The following SPMAP1 variants were observed in gnomAD, a reference collection of about 807,000 sequenced individuals.
SPMAP1 encodes the protein uncharacterized protein C17orf98.
chr17:38,840,315 G>T, the SPMAP1 span, among the ~76,000 whole-genome samples: 1 of 152,094 alleles, frequency 6.6e-6, no homozygotes, highest in Non-Finnish European at 1.5e-5. Context: ...GAGAATTTGC[G>T]GTGTGAGGTC....
At chr17:38,840,410 G>T in the SPMAP1 span, among the ~76,000 whole-genome samples, 1 of 152,062 alleles carries the variant, frequency 6.6e-6, no homozygotes, top group South Asian at 2.1e-4. Flanking sequence ...CTATCCCCTT[G>T]CCTTGCAGAA....
At chr17:38,836,875 G>A in the SPMAP1 span, among the ~76,000 whole-genome samples, 4 of 151,686 alleles carry the variant, frequency 2.6e-5, no homozygotes, top group African/African-American at 7.3e-5. Context: ...GATTACAGGC[G>A]TGAGCCACTG....
chr17:38,835,261 G>A, the SPMAP1 span: 3 of 1,614,188 alleles, frequency 1.9e-6, no homozygotes, highest in South Asian at 3.3e-5. Flanking sequence ...TGTTCCTGCG[G>A]TAGCCAAACC....
chr17:38,838,417 T>C, the SPMAP1 span, among the ~76,000 whole-genome samples: 5 of 151,834 alleles, frequency 3.3e-5, no homozygotes, highest in African/African-American at 1.2e-4. Context: ...CTGGCCAACA[T>C]GGCTAAACCC....
the SPMAP1 span, chr17:38,835,132 C>A: frequency 6.4e-7 from 1 of 1,551,006 alleles, no homozygotes; most frequent in Non-Finnish European, 8.9e-7. Flanking sequence ...ACTAAGAGTT[C>A]ATCTAAACAT....
the SPMAP1 span, among the ~76,000 whole-genome samples, chr17:38,838,441 A>C: frequency 6.6e-6 from 1 of 151,882 alleles, no homozygotes; most frequent in African/African-American, 2.4e-5. Flanking sequence ...GTCTACTAAA[A>C]ATACAAAAAT....
chr17:38,841,277 G>T, the SPMAP1 span: 2 of 1,614,170 alleles, frequency 1.2e-6, no homozygotes, highest in Non-Finnish European at 1.7e-6. Flanking sequence ...CGGAATCGCC[G>T]ACCACAGCTT....
chr17:38,835,731 G>A, the SPMAP1 span, among the ~76,000 whole-genome samples: 2 of 152,180 alleles, frequency 1.3e-5, no homozygotes, highest in African/African-American at 4.8e-5. Context: ...TGAGCCAAAT[G>A]GCACAAAGTA....
the SPMAP1 span, among the ~76,000 whole-genome samples, chr17:38,840,914 GAGAA>G: frequency 6.6e-6 from 1 of 151,744 alleles, no homozygotes; most frequent in East Asian, 1.9e-4. Context: ...GCTGAGGCAG[GAGAA>G]TCGCTTGAAC....
the SPMAP1 span, chr17:38,835,313 T>C: frequency 8.1e-6 from 13 of 1,614,022 alleles, no homozygotes; most frequent in African/African-American, 1.3e-5. Context: ...AGCATTGTAG[T>C]GGTCATGCCC....
chr17:38,838,858 G>A, the SPMAP1 span, among the ~76,000 whole-genome samples: 4 of 152,124 alleles, frequency 2.6e-5, no homozygotes, highest in Middle Eastern at 3.4e-3. Flanking sequence ...GCTGAGGCAG[G>A]TGGATCACTT....
the SPMAP1 span, among the ~76,000 whole-genome samples, chr17:38,839,899 G>T: frequency 0.01 from 204 of 19,524 alleles, 1 homozygote; most frequent in Non-Finnish European, 0.015. Flanking sequence ...AAACATTTGG[G>T]ACTATACACA....
the SPMAP1 span, among the ~76,000 whole-genome samples, chr17:38,838,536 G>A: frequency 3.3e-5 from 5 of 152,102 alleles, no homozygotes; most frequent in Non-Finnish European, 5.9e-5. Flanking sequence ...GGAGACAGAG[G>A]TTGAAGTGAG....
chr17:38,835,238 C>T, the SPMAP1 span: 3 of 1,614,184 alleles, frequency 1.9e-6, no homozygotes, highest in African/African-American at 1.3e-5. Context: ...CGTGCTCTGA[C>T]GGAGGGCTGG....
At chr17:38,836,565 ATTTCTTTCTTTC>A in the SPMAP1 span, among the ~76,000 whole-genome samples, 1 of 124,680 alleles carries the variant, frequency 8.0e-6, no homozygotes, top group African/African-American at 2.8e-5. Flanking sequence ...GTGCTACTGC[ATTTCTTTCTTTC>A]TTTCTTTCTT....
chr17:38,840,120 G>T, the SPMAP1 span, among the ~76,000 whole-genome samples: 2 of 152,154 alleles, frequency 1.3e-5, no homozygotes, highest in African/African-American at 4.8e-5. Flanking sequence ...GAGGGAAAAG[G>T]CCAGGGGGAG....
chr17:38,835,597 G>A, the SPMAP1 span, among the ~76,000 whole-genome samples: 1 of 152,238 alleles, frequency 6.6e-6, no homozygotes, highest in South Asian at 2.1e-4. Flanking sequence ...AATGGTTTGT[G>A]CTGGGACAGG....
At chr17:38,835,782 C>T in the SPMAP1 span, among the ~76,000 whole-genome samples, 4 of 152,128 alleles carry the variant, frequency 2.6e-5, no homozygotes, top group Admixed American at 2.0e-4. Context: ...TGGAGCCAGG[C>T]TGGGAGGAGG....
the SPMAP1 span, chr17:38,837,179 C>A: frequency 1.2e-6 from 2 of 1,613,966 alleles, no homozygotes; most frequent in Non-Finnish European, 1.7e-6. Context: ...GTATCTTTGT[C>A]CTTGCCCGAA....
Sources: allele counts gnomAD v4.1 joint callset (sites outside exome capture counted in the v4.1 genomes callset), GRCh38; gene constraint gnomAD v4.1.1; transcripts MANE v1.5; gene names NCBI Gene and HGNC (gene_info 2026-07-23, HGNC 2026-07-21).